ING1: variants seen among roughly 807,000 people sequenced by gnomAD.
ING1 encodes the protein inhibitor of growth protein 1.
In ING1, 4 loss-of-function variants were observed where a neutral mutation model predicts 23.1. The ratio of observed to expected loss-of-function variants is 0.17; its 90% CI spans 0.09 to 0.40. The LOEUF (loss-of-function observed/expected upper bound fraction) is 0.40. Ranked by LOEUF, ING1 falls within the 10% of genes least tolerant of loss-of-function variation. The probability of loss-of-function intolerance (pLI) is 1.00; values close to 1 mark genes in which losing one functional copy is unlikely to be tolerated. For missense variants in ING1, 256 were observed against 393.8 expected, an observed-to-expected ratio of 0.65 and a Z score of 2.96; for synonymous variants, 179 against 166.4, an observed-to-expected ratio of 1.08 and a Z score of -0.58.
upstream of ING1, chr13:110,713,639 G>A (rs1466414780): frequency 2.0e-6 from 2 of 985,454 alleles, no homozygotes; most frequent in Non-Finnish European, 2.4e-6. Context: ...GGAGGGGGCC[G>A]GGGCGCATGC....
At chr13:110,713,368 C>T (rs1427595894), upstream of ING1, 11 of 1,056,782 alleles carry the variant, frequency 1.0e-5, no homozygotes, top group Non-Finnish European at 1.3e-5. Flanking sequence ...CGAAGCAGGC[C>T]GCTCCCCTGC....
At chr13:110,716,050 C>T (rs929402402) in intron 1 of ING1, 19 of 1,475,386 alleles carry the variant, frequency 1.3e-5, no homozygotes, top group Non-Finnish European at 1.7e-5. Flanking sequence ...ACCCTCGGCG[C>T]AGAAACTTTT....
Position 110,719,207 on chromosome 13 carries a change from C to T in ING1, c.137-22C>T, listed in dbSNP as rs370826473. 1.1e-5 allele frequency: 18 copies of T among 1,610,428 alleles called. No individual in the cohort carries two copies. The highest frequency in any genetic ancestry group is 2.2e-5 in the East Asian group (1 of 44,842). ...GTCCCGGTGTCCTGCTCGCGAGTGA[C>T]GCCTGTCCTTCTTGCCCCCAGAGAT... is the stretch of plus-strand genomic sequence containing the variant. On this transcript the variant is annotated intron_variant, in intron 1 of 1. Transcript: ENST00000333219. The surrounding 1 kb of genome is among the most constrained non-coding windows in gnomAD (Gnocchi z 8.9).
chr13:110,713,992 G>A lies in ING1; in HGVS notation c.-158G>A. 4.4e-6 allele frequency: 5 copies of A among 1,126,094 alleles called. No homozygotes were observed. Among genetic ancestry groups the A allele is most frequent in the Non-Finnish European group, 5.4e-6 (5 of 919,948 alleles). The allele number at this position is 1,126,094 out of a possible 1,614,324, so 69.8% of individuals were successfully genotyped here. On this transcript the variant is annotated 5_prime_UTR_variant, in exon 1 of 2. Transcript: ENST00000333219. Reference sequence around the variant, plus strand: ...CCCCGCGGACCCGGAGGCGGCGGACGGGCTCGGCAGATGTAGCCGCCGGGC... The same window carrying A: ...CCCCGCGGACCCGGAGGCGGCGGACAGGCTCGGCAGATGTAGCCGCCGGGC...
rs1159319228 is a variant in ING1 at position 110,721,648 on chromosome 13, T to C, written c.*1716T>C. ...TAGAGTGCAGTGGCCCAGTCTTGGC[T>C]CACTGCAACCTCTGCCTCTCGGGTT... On this transcript the variant is annotated 3_prime_UTR_variant, in exon 2 of 2. Coordinates refer to ENST00000333219, the MANE Select transcript of ING1 (RefSeq NM_198219.3). 1 of 148,184 alleles carries C rather than the reference T, an allele frequency of 6.7e-6. No homozygotes were observed. Among genetic ancestry groups the C allele is most frequent in the Non-Finnish European group, 1.5e-5 (1 of 67,662 alleles). 9.2% of individuals were successfully genotyped at this position (148,184 alleles called of 1,614,324 possible).
chr13:110,715,412 G>C (rs879896049), intron 1 of ING1: 8 of 1,539,890 alleles, frequency 5.2e-6, no homozygotes, highest in Non-Finnish European at 7.0e-6. Flanking sequence ...ATTATGGAAC[G>C]TCCCGCCTCA....
rs944164038 is a variant in ING1, at chr13:110,720,832, T to C, written c.*900T>C. 2 of 167,144 alleles carry C rather than the reference T, an allele frequency of 1.2e-5. No homozygotes were observed. The highest frequency in any genetic ancestry group is 1.3e-4 in the Admixed American group (2 of 15,292). 10.4% of individuals were successfully genotyped at this position (167,144 alleles called of 1,614,324 possible). A position where few individuals can be genotyped will look rare whatever the true frequency, so the allele number is the denominator to read the frequency against. On this transcript the variant is annotated 3_prime_UTR_variant, in exon 2 of 2. Transcript: ENST00000333219. ...TAACTTTTAAAATTTGTCTTAAAAA[T>C]TTATACACCAGCAATTTAGACAAAG...
intron 1 of ING1, chr13:110,716,134 G>A: frequency 1.0e-6 from 1 of 975,948 alleles, no homozygotes; most frequent in South Asian, 2.3e-5. Flanking sequence ...GGAAGGCAGG[G>A]GCTGAGACCA....
upstream of ING1, chr13:110,713,695 T>C (rs2064069120): frequency 2.0e-6 from 2 of 984,960 alleles, no homozygotes; most frequent in African/African-American, 3.5e-5. Flanking sequence ...TTGAAACTGG[T>C]ATTTGGGTTT....
At chr13:110,715,715 C>T (rs1164888885) in intron 1 of ING1, 10 of 1,589,974 alleles carry the variant, frequency 6.3e-6, no homozygotes, top group African/African-American at 1.3e-5. Flanking sequence ...TGGCCTCCGC[C>T]CTCCAAATCG....
rs2064182185 is a variant in ING1 at position 110,723,260 on chromosome 13, A to AT, written c.*3330dup. The AT allele has an allele frequency of 6.6e-6, 1 of 151,922 alleles. No individual in the cohort carries two copies. The highest frequency in any genetic ancestry group is 2.1e-4 in the South Asian group (1 of 4,814). The allele number at this position is 151,922 out of a possible 1,614,324, so 9.4% of individuals were successfully genotyped here. ...TGGCTGGTGGTTCTCTTTTGGTGTGATTAGAGCTATGTGAGTTGTCTCAAT... is the reference window on the plus strand; with the variant it reads ...TGGCTGGTGGTTCTCTTTTGGTGTGATTTAGAGCTATGTGAGTTGTCTCAAT... On this transcript the variant is annotated 3_prime_UTR_variant, in exon 2 of 2. Transcript: ENST00000333219.
chr13:110,715,754 G>T, intron 1 of ING1: 1 of 1,583,054 alleles, frequency 6.3e-7, no homozygotes, highest in Non-Finnish European at 8.6e-7. Context: ...GGCTCTCGGG[G>T]TGCGGGGCGA....
intron 1 of ING1, among the ~76,000 whole-genome samples, chr13:110,714,682 A>C (rs2064087904): frequency 6.6e-6 from 1 of 152,242 alleles, no homozygotes; most frequent in African/African-American, 2.4e-5. Flanking sequence ...ACGGGGCTGC[A>C]GGAGGAGGGC....
Position 110,720,320 on chromosome 13 carries a change from C to G in ING1, c.*388C>G, listed in dbSNP as rs967218714. 1 of 169,588 alleles carries G rather than the reference C, an allele frequency of 5.9e-6. No homozygotes were observed. 10.5% of individuals were successfully genotyped at this position (169,588 alleles called of 1,614,324 possible). A position where few individuals can be genotyped will look rare whatever the true frequency, so the allele number is the denominator to read the frequency against. On this transcript the variant is annotated 3_prime_UTR_variant, in exon 2 of 2. Transcript: ENST00000333219. ...TTTATGAACAATTTTTTTTAATTGG[C>G]CATGTCGCCAAAAATACAGCCTATA...
In ING1 at chr13:110,719,580, C is replaced by A; in HGVS notation, c.488C>A (p.Ser163Tyr). The A allele has an allele frequency of 6.2e-7, 1 of 1,611,430 alleles. No homozygotes were observed. Among genetic ancestry groups the A allele is most frequent in the Non-Finnish European group, 8.5e-7 (1 of 1,179,292 alleles). ...QRNNENRENASSNHDHDDGAS... is the reference protein window; with the variant it reads ...QRNNENRENAYSNHDHDDGAS... Reference sequence around the variant, plus strand: ...AACAACGAGAACCGTGAGAACGCGTCCAGCAACCACGACCACGACGACGGC... The same window carrying A: ...AACAACGAGAACCGTGAGAACGCGTACAGCAACCACGACCACGACGACGGC... Residue 163 changes from serine to tyrosine, a missense_variant, in exon 2 of 2, where the codon TCC becomes TAC. By Grantham distance (144) the Ser-to-Tyr change is moderately radical (BLOSUM62 -2). Coordinates refer to ENST00000333219, the MANE Select transcript of ING1 (RefSeq NM_198219.3). The surrounding 1 kb of genome is among the most constrained non-coding windows in gnomAD (Gnocchi z 8.9).
upstream of ING1, chr13:110,713,100 G>C: frequency 2.1e-6 from 3 of 1,439,418 alleles, no homozygotes; most frequent in Non-Finnish European, 2.7e-6. Context: ...GGAGGACTTG[G>C]GTTTCTAGTA....
Position 110,713,726 on chromosome 13 carries a change from C to G in ING1, c.-424C>G. ...GGTTTTCCACGTTGGACAAGTGCGG[C>G]TCGGCGGCCAGCGGAGCGCGCCCCT... is the stretch of plus-strand genomic sequence containing the variant. On this transcript the variant is annotated 5_prime_UTR_variant, in exon 1 of 2. Transcript: ENST00000333219. The G allele has an allele frequency of 1.0e-6, 1 of 985,228 alleles. No homozygotes were observed. Among genetic ancestry groups the G allele is most frequent in the South Asian group, 4.7e-5 (1 of 21,292 alleles). The allele number at this position is 985,228 out of a possible 1,614,324, so 61.0% of individuals were successfully genotyped here.
At chr13:110,713,115 G>C (rs779842071), upstream of ING1, 3 of 1,430,992 alleles carry the variant, frequency 2.1e-6, no homozygotes, top group Non-Finnish European at 2.7e-6. Flanking sequence ...CTAGTAGTAA[G>C]AGTCCGGGGG....
At position 110,715,541 on chromosome 13, in the gene ING1, G is replaced by A. The variant is rs1281735561; in HGVS notation, c.136+1256G>A. The A allele has an allele frequency of 2.5e-6, 4 of 1,614,064 alleles. No homozygotes were observed. The Admixed American group carries it at 5.0e-5, about 20-fold the overall frequency. On this transcript the variant is annotated intron_variant, in intron 1 of 1. Transcript: ENST00000333219. ...AGCGCAATAACTGGTATGGGTCTGTGTTTCCGCTGTCTTCTTTTTTCTTTT... is the reference window on the plus strand; with the variant it reads ...AGCGCAATAACTGGTATGGGTCTGTATTTCCGCTGTCTTCTTTTTTCTTTT...
Sources: allele counts gnomAD v4.1 joint callset (sites outside exome capture counted in the v4.1 genomes callset), GRCh38; gene constraint gnomAD v4.1.1; non-coding constraint Gnocchi (gnomAD v3.1); transcripts MANE v1.5; gene names NCBI Gene and HGNC (gene_info 2026-07-23, HGNC 2026-07-21).